Variants in CDCA3 observed in about 807,000 individuals in gnomAD.
CDCA3 encodes cell division cycle-associated protein 3.
CDCA3 carries 16 observed loss-of-function variants against 29.1 expected under a neutral mutation model. That is an observed-to-expected ratio of 0.55 (90% confidence interval 0.37 to 0.83). The LOEUF (loss-of-function observed/expected upper bound fraction) is 0.83, where lower values mean the gene tolerates loss of function less well. Ranked by LOEUF, CDCA3 falls within the 40% of genes least tolerant of loss-of-function variation. The pLI, the probability that CDCA3 is intolerant of heterozygous loss-of-function variation, is 0.00. For synonymous variants in CDCA3, 88 were observed against 124.5 expected, an observed-to-expected ratio of 0.71 and a Z score of 1.95; for missense variants, 291 against 327.2, an observed-to-expected ratio of 0.89 and a Z score of 0.85.
chr12:6,848,185 A>T (rs1943744100), downstream of CDCA3: 1 of 152,180 alleles, frequency 6.6e-6, no homozygotes, highest in African/African-American at 2.4e-5. Context: ...CCTCATCTCT[A>T]TAAAAAAAAT....
At chr12:6,846,808 C>T (rs1245482600), downstream of CDCA3, 6 of 1,594,734 alleles carry the variant, frequency 3.8e-6, no homozygotes, top group Middle Eastern at 1.7e-4. Flanking sequence ...TCTCTGGCCA[C>T]GATAACAGGG....
In CDCA3 at chr12:6,849,473, T is replaced by C. The variant is rs1943785342; in HGVS notation, c.545-44A>G. On this transcript the variant is annotated intron_variant, in intron 4 of 5. Coordinates refer to ENST00000538862, the MANE Select transcript of CDCA3 (RefSeq NM_031299.7). This position sits in a 1 kb window ranked among gnomAD's most constrained non-coding sequence, Gnocchi z 5.2. ...TAAAGCAAGGACCCAAAACTAGGAC[T>C]TACAGTTTATTCCTCCCACACTCAC... 2 of 1,556,212 alleles carry C rather than the reference T, an allele frequency of 1.3e-6. No individual in the cohort carries two copies. The highest frequency in any genetic ancestry group is 1.4e-5 in the African/African-American group (1 of 73,040).
chr12:6,849,421 G>A lies in CDCA3; in HGVS notation c.553C>T (p.Arg185Cys), dbSNP rs199554560. The change falls in exon 5 of 6, where the codon CGC becomes TGC. Residue 185 changes from arginine to cysteine, a missense_variant. Coordinates refer to ENST00000538862, the MANE Select transcript of CDCA3 (RefSeq NM_031299.7). This position sits in a 1 kb window ranked among gnomAD's most constrained non-coding sequence, Gnocchi z 5.2. ...PETPRSSGSM[R>C]NRWKPNSSKV... Reference sequence around the variant, plus strand: ...CTGCTGTTTGGTTTCCATCTATTGCGCATAGAACCTGGGGTGGGTAAGGCG... The same window carrying A: ...CTGCTGTTTGGTTTCCATCTATTGCACATAGAACCTGGGGTGGGTAAGGCG... The A allele has an allele frequency of 5.7e-6, 9 of 1,590,714 alleles. No homozygotes were observed. The highest frequency in any genetic ancestry group is 4.5e-5 in the East Asian group (2 of 44,618).
rs1555125625 is a variant in CDCA3, at chr12:6,849,291, C to T, written c.651+32G>A. The T allele has an allele frequency of 6.3e-7, 1 of 1,594,706 alleles. No homozygotes were observed. Among genetic ancestry groups the T allele is most frequent in the Non-Finnish European group, 8.6e-7 (1 of 1,169,046 alleles). On this transcript the variant is annotated intron_variant, in intron 5 of 5. Transcript: ENST00000538862. The surrounding 1 kb of genome is among the most constrained non-coding windows in gnomAD (Gnocchi z 5.2). ...TCTCCCACCCTCTACGTTGGATATC[C>T]TAGTAACAGCTTGCACTTTCTCTTC...
In CDCA3 at chr12:6,849,807, T is replaced by G. The variant is rs1555125873; in HGVS notation, c.302A>C (p.Asp101Ala). 1.3e-6 allele frequency: 2 copies of G among 1,579,930 alleles called. No individual in the cohort carries two copies. Among genetic ancestry groups the G allele is most frequent in the Non-Finnish European group, 1.7e-6 (2 of 1,160,848 alleles). Residue 101 changes from aspartate to alanine, a missense_variant, in exon 4 of 6, where the codon GAC (aspartate) becomes GCC (alanine). Transcript: ENST00000538862. The surrounding 1 kb of genome is among the most constrained non-coding windows in gnomAD (Gnocchi z 5.2). ...CTCTGGGGGAAGATTTGATTTAGAG[T>G]CTTCAGTTTCAAATACTTCACTCAG... ...KQLSEVFETE[D>A]SKSNLPPEPV...
chr12:6,845,839 A>AGGGTCCTTCCAGCTG, downstream of CDCA3: 2 of 1,458,950 alleles, frequency 1.4e-6, no homozygotes, highest in Non-Finnish European at 1.9e-6. Context: ...CCTCAGCTGG[A>AGGGTCCTTCCAGCTG]AGGACCCTCC....
Position 6,850,702 on chromosome 12 carries a change from C to T in CDCA3, c.121-106G>A, listed in dbSNP as rs148155861. On this transcript the variant is annotated intron_variant, in intron 2 of 5. Transcript: ENST00000538862. The surrounding 1 kb of genome is among the most constrained non-coding windows in gnomAD (Gnocchi z 4.7). ...AAGGCCCTCAGATATCCAGCCTACC[C>T]CACACAGATTGAGATTGCAGAAAAT... is the stretch of plus-strand genomic sequence containing the variant. 25,462 of 1,584,228 alleles carry T rather than the reference C, an allele frequency of 0.016. 268 individuals carry two copies. The highest frequency in any genetic ancestry group is 0.018 in the Non-Finnish European group (20,980 of 1,159,380).
chr12:6,849,378 G>T lies in CDCA3; in HGVS notation c.596C>A (p.Ser199Tyr). The change falls in exon 5 of 6, where the codon TCC becomes TAC. Residue 199 changes from serine to tyrosine, a missense_variant. Coordinates refer to ENST00000538862, the MANE Select transcript of CDCA3 (RefSeq NM_031299.7). This position sits in a 1 kb window ranked among gnomAD's most constrained non-coding sequence, Gnocchi z 5.2. ...KPNSSKVLGR[S>Y]PLTILQDDNS... ...GTCATCCTGCAGGATGGTGAGGGGG[G>T]ATCTCCCTAGTACCTTGCTGCTGTT... 6.2e-7 allele frequency: 1 copy of T among 1,606,462 alleles called. No homozygotes were observed. Among genetic ancestry groups the T allele is most frequent in the Non-Finnish European group, 8.5e-7 (1 of 1,176,268 alleles).
rs1943814172 is a variant in CDCA3 at position 6,850,248 on chromosome 12, G to A, written c.250+219C>T. ...GCCTAGGCTGGTCTTGAACTCCTGG[G>A]CTCAAGCGATCTGACCACCCCGGCC... On this transcript the variant is annotated intron_variant, in intron 3 of 5. Transcript: ENST00000538862. This position sits in a 1 kb window ranked among gnomAD's most constrained non-coding sequence, Gnocchi z 4.7. The A allele has an allele frequency of 1.7e-6, 1 of 587,054 alleles. No homozygotes were observed. The highest frequency in any genetic ancestry group is 3.0e-6 in the Non-Finnish European group (1 of 335,946). 36.4% of individuals were successfully genotyped at this position (587,054 alleles called of 1,614,324 possible).
At position 6,849,694 on chromosome 12, in the gene CDCA3, A is replaced by C. The variant is rs1555125797; in HGVS notation, c.415T>G (p.Trp139Gly). The change falls in exon 4 of 6, where the codon TGG (tryptophan) becomes GGG (glycine). Residue 139 changes from tryptophan (W) to glycine (G), a missense_variant. Physicochemically the swap from Trp to Gly is radical, Grantham distance 184. Transcript: ENST00000538862. The surrounding 1 kb of genome is among the most constrained non-coding windows in gnomAD (Gnocchi z 5.2). ...TTGGAGGGGAACTCAGTCTGGTTCC[A>C]AGGTGGCATCTGTTCCTCAACAGAT... ...QLSVEEQMPP[W>G]NQTEFPSKQV... The C allele has an allele frequency of 6.2e-7, 1 of 1,614,130 alleles. No homozygotes were observed. Among genetic ancestry groups the C allele is most frequent in the Non-Finnish European group, 8.5e-7 (1 of 1,180,010 alleles).
chr12:6,850,321 G>A lies in CDCA3; in HGVS notation c.250+146C>T, dbSNP rs1365353425. On this transcript the variant is annotated intron_variant, in intron 3 of 5. Transcript: ENST00000538862. This position sits in a 1 kb window ranked among gnomAD's most constrained non-coding sequence, Gnocchi z 4.7. The stretch of plus-strand genomic sequence containing the variant: ...GCATGAGCCACCGCACCCAGGCTGG[G>A]AACAAAATATTGAGATAAGAGTGAG... 4.4e-6 allele frequency: 5 copies of A among 1,136,064 alleles called. No individual in the cohort carries two copies. The highest frequency in any genetic ancestry group is 3.0e-4 in the Middle Eastern group (1 of 3,376). The allele number at this position is 1,136,064 out of a possible 1,614,324, so 70.4% of individuals were successfully genotyped here.
downstream of CDCA3, chr12:6,846,695 ACACACC>A (rs1555124787): frequency 2.3e-4 from 145 of 644,232 alleles, no homozygotes; most frequent in African/African-American, 3.5e-3. Context: ...ACATACACAC[ACACACC>A]CACACACCCA....
chr12:6,845,967 T>C, downstream of CDCA3: 1 of 614,076 alleles, frequency 1.6e-6, no homozygotes, highest in Admixed American at 2.6e-5. Context: ...GGTTCCCAAC[T>C]AGGACTGTTT....
Position 6,851,272 on chromosome 12 carries a change from G to C in CDCA3, c.-108C>G, listed in dbSNP as rs1166030117. The C allele has an allele frequency of 1.8e-5, 20 of 1,126,800 alleles. No homozygotes were observed. The highest frequency in any genetic ancestry group is 2.2e-5 in the Non-Finnish European group (20 of 916,560). 69.8% of individuals were successfully genotyped at this position (1,126,800 alleles called of 1,614,324 possible). Reference sequence around the variant, plus strand: ...CACAACAGCTCGTGGCTCAACTCCCGAAGTTACCAGTTTCAAACTTCCCGC... The same window carrying C: ...CACAACAGCTCGTGGCTCAACTCCCCAAGTTACCAGTTTCAAACTTCCCGC... On this transcript the variant is annotated 5_prime_UTR_variant, in exon 1 of 6. Coordinates refer to ENST00000538862, the MANE Select transcript of CDCA3 (RefSeq NM_031299.7).
chr12:6,851,266 A>C lies in CDCA3; in HGVS notation c.-102T>G. On this transcript the variant is annotated 5_prime_UTR_variant, in exon 1 of 6. Coordinates refer to ENST00000538862, the MANE Select transcript of CDCA3 (RefSeq NM_031299.7). ...TGGATGCACAACAGCTCGTGGCTCA[A>C]CTCCCGAAGTTACCAGTTTCAAACT... is the stretch of plus-strand genomic sequence containing the variant. 4 of 1,123,316 alleles carry C rather than the reference A, an allele frequency of 3.6e-6. No individual in the cohort carries two copies. The highest frequency in any genetic ancestry group is 4.6e-5 in the Admixed American group (1 of 21,672). The allele number at this position is 1,123,316 out of a possible 1,614,324, so 69.6% of individuals were successfully genotyped here.
downstream of CDCA3, chr12:6,847,240 C>T (rs1164219354): frequency 3.1e-6 from 1 of 320,294 alleles, no homozygotes; most frequent in Non-Finnish European, 5.9e-6. Flanking sequence ...AGAGCCACTA[C>T]CTTTGTCCAG....
At chr12:6,846,751 C>A, downstream of CDCA3, 1 of 1,180,728 alleles carries the variant, frequency 8.5e-7, no homozygotes, top group Non-Finnish European at 1.2e-6. Flanking sequence ...CTTTCCAAAT[C>A]AGCTTGGAGA....
At chr12:6,846,159 C>G (rs978446479), downstream of CDCA3, 2 of 280,308 alleles carry the variant, frequency 7.1e-6, no homozygotes, top group Non-Finnish European at 6.9e-6. Flanking sequence ...TCAAGGAGAT[C>G]TGGAGTGGCC....
chr12:6,851,094 G>C (rs183012599), intron 1 of CDCA3, 85 bp from the exon 2 acceptor site: 2 of 1,421,686 alleles, frequency 1.4e-6, no homozygotes, highest in Admixed American at 3.0e-5. Context: ...CCAGTTTCCA[G>C]TGAAGAAACT....
Sources: allele counts gnomAD v4.1 joint callset, GRCh38; gene constraint gnomAD v4.1.1; non-coding constraint Gnocchi (gnomAD v3.1); transcripts MANE v1.5; gene names NCBI Gene and HGNC (gene_info 2026-07-23, HGNC 2026-07-21).